Variants in PCDH15 observed in about 807,000 individuals in gnomAD.
PCDH15 encodes protocadherin-15.
PCDH15 carries 129 observed loss-of-function variants against 178.5 expected under a neutral mutation model. The ratio of observed to expected loss-of-function variants is 0.72; its 90% CI spans 0.63 to 0.84. The LOEUF (loss-of-function observed/expected upper bound fraction) is 0.84. PCDH15 is among the 40% of genes least tolerant of loss of function. The pLI is 0.00. For synonymous variants in PCDH15, 800 were observed against 732.0 expected, an observed-to-expected ratio of 1.09 and a Z score of -1.50; for missense variants, 2,230 against 2,099.9, an observed-to-expected ratio of 1.06 and a Z score of -1.21.
intron 2 of PCDH15, among the ~76,000 whole-genome samples, chr10:55,064,583 A>T (rs937245815): frequency 7.2e-5 from 11 of 151,882 alleles, no homozygotes; most frequent in African/African-American, 2.7e-4. Context: ...CTTAAAATAT[A>T]ACTTTTTTTT....
intron 1 of PCDH15, among the ~76,000 whole-genome samples, chr10:55,288,870 G>GATATATATATATATATAT (rs143549237): frequency 4.8e-5 from 7 of 146,246 alleles, no homozygotes; most frequent in African/African-American, 1.8e-4. Context: ...AATTCTATTA[G>GATATATATATATATATAT]ATATATATAT....
intron 28 of PCDH15, among the ~76,000 whole-genome samples, chr10:53,841,326 A>ACAAATT (rs1466123504): frequency 6.6e-6 from 1 of 152,110 alleles, no homozygotes; most frequent in African/African-American, 2.4e-5. Context: ...TATATATGAT[A>ACAAATT]AATATTCTAA....
At chr10:55,418,435 G>A (rs1018722846) in intron 2 of PCDH15, among the ~76,000 whole-genome samples, 4 of 151,696 alleles carry the variant, frequency 2.6e-5, no homozygotes, top group Admixed American at 6.6e-5. Flanking sequence ...TGTCTAAAAC[G>A]TGGAAAATAG....
At chr10:54,290,178 C>A (rs1471800527) in intron 8 of PCDH15, among the ~76,000 whole-genome samples, 1 of 152,196 alleles carries the variant, frequency 6.6e-6, no homozygotes, top group African/African-American at 2.4e-5. Flanking sequence ...GGAAGCCAAT[C>A]AGACTAACAG....
intron 35 of PCDH15, among the ~76,000 whole-genome samples, chr10:53,815,391 G>A (rs1375120689): frequency 6.6e-6 from 1 of 152,128 alleles, no homozygotes; most frequent in Non-Finnish European, 1.5e-5. Context: ...TTGATGTTCA[G>A]CAGATGTGTA....
chr10:54,387,061 A>G (rs1395453852), intron 3 of PCDH15, among the ~76,000 whole-genome samples: 5 of 132,598 alleles, frequency 3.8e-5, no homozygotes, highest in Admixed American at 3.5e-4. Flanking sequence ...ACCATTCTAC[A>G]ATGCATACAC....
At chr10:54,734,316 C>T (rs1235263010) in intron 1 of PCDH15, among the ~76,000 whole-genome samples, 2 of 151,688 alleles carry the variant, frequency 1.3e-5, no homozygotes, top group Non-Finnish European at 2.9e-5. Context: ...AGATGCTCAA[C>T]AACAGTCATT....
intron 2 of PCDH15, among the ~76,000 whole-genome samples, chr10:55,608,533 A>G (rs1843284667): frequency 6.6e-6 from 1 of 151,786 alleles, no homozygotes; most frequent in Non-Finnish European, 1.5e-5. Context: ...ACTTCAAGCT[A>G]TAGATATCCA....
intron 1 of PCDH15, among the ~76,000 whole-genome samples, chr10:54,742,729 A>G (rs1944968793): frequency 6.6e-6 from 1 of 151,962 alleles, no homozygotes; most frequent in South Asian, 2.1e-4. Context: ...TAGAAAGGAG[A>G]GACAGTCCCA....
At chr10:55,281,086 C>T (rs1469090761) in intron 1 of PCDH15, among the ~76,000 whole-genome samples, 4 of 152,142 alleles carry the variant, frequency 2.6e-5, no homozygotes, top group Non-Finnish European at 5.9e-5. Flanking sequence ...TGCTATGCAG[C>T]CAATAAATGT....
At chr10:54,424,534 A>T (rs1955994755) in intron 3 of PCDH15, among the ~76,000 whole-genome samples, 1 of 150,382 alleles carries the variant, frequency 6.6e-6, no homozygotes, top group South Asian at 2.1e-4. Flanking sequence ...ATTATAAAAC[A>T]TGCTGCTATA....
At chr10:54,110,612 A>AT (rs1177985231) in intron 15 of PCDH15, among the ~76,000 whole-genome samples, 1 of 152,076 alleles carries the variant, frequency 6.6e-6, no homozygotes, top group African/African-American at 2.4e-5. Context: ...AACTACCTTT[A>AT]TTTTGGAGGA....
intron 3 of PCDH15, among the ~76,000 whole-genome samples, chr10:54,808,956 AC>A (rs200295220): frequency 0.035 from 5,269 of 151,136 alleles, 264 homozygotes; most frequent in African/African-American, 0.12. Flanking sequence ...AAAAAAAAAA[AC>A]CAACACAGAT....
At chr10:55,245,755 A>G (rs1307833874) in intron 1 of PCDH15, among the ~76,000 whole-genome samples, 1 of 152,180 alleles carries the variant, frequency 6.6e-6, no homozygotes, top group Non-Finnish European at 1.5e-5. Flanking sequence ...TATTAGATCT[A>G]ATGCCTGGCC....
chr10:55,172,229 C>G (rs1382251629), intron 1 of PCDH15, among the ~76,000 whole-genome samples: 1 of 151,688 alleles, frequency 6.6e-6, no homozygotes, highest in African/African-American at 2.4e-5. Context: ...AAATGAACAC[C>G]TAAACAGAAA....
chr10:55,337,420 G>T (rs1475863856), intron 2 of PCDH15, among the ~76,000 whole-genome samples: 1 of 152,084 alleles, frequency 6.6e-6, no homozygotes, highest in African/African-American at 2.4e-5. Context: ...GTTATCCCTT[G>T]TCTCTGCTTC....
intron 8 of PCDH15, among the ~76,000 whole-genome samples, chr10:54,288,867 G>A (rs1194417486): frequency 6.6e-6 from 1 of 152,216 alleles, no homozygotes; most frequent in Admixed American, 6.5e-5. Flanking sequence ...CAGGGAGCTC[G>A]AACTGGGCAG....
chr10:54,801,022 C>T lies in PCDH15; in HGVS notation c.-126G>A, dbSNP rs551107079. On this transcript the variant is annotated 5_prime_UTR_variant, in exon 1 of 38. Transcript: ENST00000644397. ...CACATCCCTTTAAAAAGAACCAGTGCTCATAATCTAGTTCCAAGACGATTC... is the reference window on the plus strand; with the variant it reads ...CACATCCCTTTAAAAAGAACCAGTGTTCATAATCTAGTTCCAAGACGATTC... 4 of 152,272 alleles carry T rather than the reference C, an allele frequency of 2.6e-5. No individual in the cohort carries two copies. The highest frequency in any genetic ancestry group is 1.9e-4 in the East Asian group (1 of 5,174). The allele number at this position is 152,272 out of a possible 1,614,324, so 9.4% of individuals were successfully genotyped here.
At position 55,540,967 on chromosome 10, in the gene PCDH15, C is replaced by T. The variant is rs954186299; in HGVS notation, c.-156+86658G>A. On this transcript the variant is annotated intron_variant, in intron 2 of 5. Coordinates refer to the PCDH15 transcript ENST00000613346. ...TTGTGACAACATATTGTCTCACTGC[C>T]GATATTAAACCAAAACCCATTAATA... is the stretch of plus-strand genomic sequence containing the variant. Among the ~76,000 whole-genome samples the T allele has an allele frequency of 2.0e-5, 3 of 151,736 alleles. No homozygotes were observed. In the South Asian group the frequency reaches 6.2e-4, roughly 31 times the overall value.
Sources: gnomAD v4.1 joint callset for allele counts (sites outside exome capture counted in the v4.1 genomes callset) on GRCh38, gnomAD v4.1.1 for gene constraint, MANE v1.5 for transcripts, NCBI Gene and HGNC (gene_info 2026-07-23, HGNC 2026-07-21) for gene names.